LDLRAD3: variants seen among roughly 807,000 people sequenced by gnomAD.
LDLRAD3 encodes low density lipoprotein receptor class A domain containing 3.
In LDLRAD3, 20 loss-of-function variants were observed where a neutral mutation model predicts 29.4. The observed-to-expected ratio is 0.68, with a 90% CI of 0.48 to 0.99. The LOEUF is 0.99. Ranked by LOEUF, LDLRAD3 falls within the 50% of genes least tolerant of loss-of-function variation. LDLRAD3 has a pLI of 0.00. For missense variants in LDLRAD3, 420 were observed against 454.3 expected (o/e 0.92, Z 0.69); for synonymous variants, 157 against 192.7 (o/e 0.81, Z 1.53).
intron 2 of LDLRAD3, among the ~76,000 whole-genome samples, chr11:36,078,260 G>T (rs527603942): frequency 6.6e-6 from 1 of 152,288 alleles, no homozygotes; most frequent in Non-Finnish European, 1.5e-5. Context: ...TGAAGATTGG[G>T]CTTCACCTGG....
At chr11:36,146,505 A>G (rs963124243) in intron 4 of LDLRAD3, among the ~76,000 whole-genome samples, 1 of 152,204 alleles carries the variant, frequency 6.6e-6, no homozygotes, top group Non-Finnish European at 1.5e-5. Context: ...ATAAATTACT[A>G]CAGATTTGGT....
At chr11:36,136,019 A>G (rs1188832067) in intron 4 of LDLRAD3, among the ~76,000 whole-genome samples, 1 of 152,226 alleles carries the variant, frequency 6.6e-6, no homozygotes, top group African/African-American at 2.4e-5. Flanking sequence ...TCGTGGATCA[A>G]CACTACCAAC....
intron 4 of LDLRAD3, among the ~76,000 whole-genome samples, chr11:36,194,944 G>T (rs995940604): frequency 2.6e-5 from 4 of 152,182 alleles, no homozygotes; most frequent in Non-Finnish European, 5.9e-5. Context: ...AACAGAATGG[G>T]CTCTGGAGTC....
intron 2 of LDLRAD3, among the ~76,000 whole-genome samples, chr11:36,060,812 G>GA (rs1262607743): frequency 6.6e-6 from 1 of 152,130 alleles, no homozygotes; most frequent in African/African-American, 2.4e-5. Context: ...ATAGTTTGTG[G>GA]AATGCTTTTG....
At chr11:36,174,698 T>C (rs183483841) in intron 4 of LDLRAD3, among the ~76,000 whole-genome samples, 340 of 152,264 alleles carry the variant, frequency 2.2e-3, no homozygotes, top group African/African-American at 7.7e-3. Flanking sequence ...TGGCGATCAT[T>C]AGGCCAGGCG....
At chr11:36,152,089 A>G (rs1371150508) in intron 4 of LDLRAD3, among the ~76,000 whole-genome samples, 1 of 148,934 alleles carries the variant, frequency 6.7e-6, no homozygotes, top group East Asian at 1.9e-4. Flanking sequence ...AACGCCTCCT[A>G]AGGGAACTGA....
intron 4 of LDLRAD3, among the ~76,000 whole-genome samples, chr11:36,208,718 C>A (rs980732433): frequency 1.3e-5 from 2 of 152,000 alleles, no homozygotes; most frequent in South Asian, 4.2e-4. Context: ...GCAAATCTTC[C>A]TTATAGAAAA....
intron 1 of LDLRAD3, among the ~76,000 whole-genome samples, chr11:35,951,212 C>G (rs1421940589): frequency 6.6e-6 from 1 of 152,068 alleles, no homozygotes; most frequent in African/African-American, 2.4e-5. Flanking sequence ...CATTTCTCTC[C>G]CCTCCCTTAA....
At chr11:36,217,759 C>T (rs907816390) in intron 4 of LDLRAD3, among the ~76,000 whole-genome samples, 4 of 151,758 alleles carry the variant, frequency 2.6e-5, no homozygotes, top group African/African-American at 7.2e-5. Context: ...CTTCTGGGGC[C>T]GCTGGCAATT....
chr11:35,999,065 T>C (rs898526739), intron 1 of LDLRAD3, among the ~76,000 whole-genome samples: 3 of 152,204 alleles, frequency 2.0e-5, no homozygotes, highest in Non-Finnish European at 1.5e-5. Flanking sequence ...GCTCTGCTTT[T>C]AAGGAGCTCA....
At chr11:36,046,429 CT>C (rs1314211329) in intron 2 of LDLRAD3, among the ~76,000 whole-genome samples, 1 of 152,130 alleles carries the variant, frequency 6.6e-6, no homozygotes, top group Non-Finnish European at 1.5e-5. Context: ...ACTGTCCATC[CT>C]TGTGTTCTTT....
intron 4 of LDLRAD3, among the ~76,000 whole-genome samples, chr11:36,116,309 G>A (rs988865810): frequency 8.5e-5 from 13 of 152,196 alleles, no homozygotes; most frequent in East Asian, 1.9e-4. Context: ...CTGCCTACCA[G>A]CAAGAAGCCA....
intron 4 of LDLRAD3, among the ~76,000 whole-genome samples, chr11:36,120,290 C>T (rs575771607): frequency 6.6e-6 from 1 of 152,174 alleles, no homozygotes; most frequent in South Asian, 2.1e-4. Context: ...CTCTTCTTCA[C>T]TGAGTGACCT....
chr11:36,002,438 G>A (rs1851836571), intron 1 of LDLRAD3, among the ~76,000 whole-genome samples: 1 of 152,228 alleles, frequency 6.6e-6, no homozygotes, highest in Non-Finnish European at 1.5e-5. Flanking sequence ...AACGACTAGA[G>A]TCAGAGCTGG....
At chr11:35,963,315 T>TA (rs376950399) in intron 1 of LDLRAD3, among the ~76,000 whole-genome samples, 9 of 151,662 alleles carry the variant, frequency 5.9e-5, no homozygotes, top group Non-Finnish European at 1.2e-4. Context: ...TCAGGCCTCT[T>TA]AAAAAAAATA....
chr11:36,025,144 A>C (rs1332238043), intron 1 of LDLRAD3, among the ~76,000 whole-genome samples: 3 of 152,060 alleles, frequency 2.0e-5, no homozygotes, highest in African/African-American at 4.8e-5. Flanking sequence ...GCCCCCTTTT[A>C]TCTCGCATTC....
chr11:36,137,792 G>T (rs906076140), intron 4 of LDLRAD3, among the ~76,000 whole-genome samples: 1 of 152,098 alleles, frequency 6.6e-6, no homozygotes, highest in African/African-American at 2.4e-5. Context: ...GAAAAACGCC[G>T]TTGCTGCCGC....
chr11:36,056,803 C>T (rs551299909), intron 2 of LDLRAD3, among the ~76,000 whole-genome samples: 1 of 152,178 alleles, frequency 6.6e-6, no homozygotes, highest in Non-Finnish European at 1.5e-5. Context: ...TCAGGGCACT[C>T]TCCACTAAAT....
chr11:36,135,680 C>T (rs540537883), intron 4 of LDLRAD3, among the ~76,000 whole-genome samples: 9 of 152,140 alleles, frequency 5.9e-5, no homozygotes, highest in Admixed American at 2.6e-4. Context: ...GAAGCCGAGG[C>T]GGGCGGATCA....
Sources: gnomAD v4.1 joint callset for allele counts (sites outside exome capture counted in the v4.1 genomes callset) on GRCh38, gnomAD v4.1.1 for gene constraint, MANE v1.5 for transcripts, NCBI Gene and HGNC (gene_info 2026-07-23, HGNC 2026-07-21) for gene names.